MMD2: variants seen among roughly 807,000 people sequenced by gnomAD.
The protein encoded by MMD2 is monocyte to macrophage differentiation factor 2.
In MMD2, 30 loss-of-function variants were observed where a neutral mutation model predicts 33.5. The observed-to-expected ratio is 0.90, with a 90% CI of 0.67 to 1.22. MMD2 has a LOEUF of 1.22. Among genes scored for constraint, MMD2 ranks in the 50% most tolerant of loss-of-function variants. The pLI is 0.00. For missense variants in MMD2, 364 were observed against 325.4 expected (o/e 1.12, Z -0.91); for synonymous variants, 129 against 123.0 (o/e 1.05, Z -0.32).
intron 1 of MMD2, among the ~76,000 whole-genome samples, chr7:4,952,927 T>G (rs1234734105): frequency 6.6e-6 from 1 of 152,144 alleles, no homozygotes; most frequent in African/African-American, 2.4e-5. Flanking sequence ...TCTGCCTGCT[T>G]CGGCCTCCCA....
At chr7:4,930,913 C>T (rs1164154128) in intron 1 of MMD2, among the ~76,000 whole-genome samples, 6 of 151,154 alleles carry the variant, frequency 4.0e-5, no homozygotes, top group African/African-American at 1.2e-4. Flanking sequence ...TGCAGTGGCG[C>T]GATCTCGGCT....
chr7:4,932,013 C>T (rs994668995), intron 1 of MMD2, among the ~76,000 whole-genome samples: 4 of 152,176 alleles, frequency 2.6e-5, no homozygotes, highest in East Asian at 1.9e-4. Context: ...CTATTCTCCC[C>T]GAGGTCTCTC....
At chr7:4,924,309 T>G (rs573272928) in intron 2 of MMD2, among the ~76,000 whole-genome samples, 1 of 152,248 alleles carries the variant, frequency 6.6e-6, no homozygotes, top group Non-Finnish European at 1.5e-5. Flanking sequence ...CGGTGGCCCA[T>G]TGTTAAAGGC....
At chr7:4,933,672 A>T (rs1785656817) in intron 1 of MMD2, among the ~76,000 whole-genome samples, 1 of 151,468 alleles carries the variant, frequency 6.6e-6, no homozygotes, top group African/African-American at 2.4e-5. Context: ...AGGGTCTATC[A>T]CCCTGGCTGG....
intron 1 of MMD2, among the ~76,000 whole-genome samples, chr7:4,932,227 G>A (rs1179593607): frequency 6.6e-6 from 1 of 152,116 alleles, no homozygotes; most frequent in East Asian, 1.9e-4. Context: ...GCCATTGAAT[G>A]CTGGCGGAGA....
At chr7:4,949,177 T>G (rs919028096) in intron 1 of MMD2, among the ~76,000 whole-genome samples, 1 of 152,172 alleles carries the variant, frequency 6.6e-6, no homozygotes, top group African/African-American at 2.4e-5. Context: ...ACAGCTGTAC[T>G]CTAGCCTGGG....
At chr7:4,937,099 A>G (rs1785761948) in intron 1 of MMD2, among the ~76,000 whole-genome samples, 1 of 150,860 alleles carries the variant, frequency 6.6e-6, no homozygotes, top group Non-Finnish European at 1.5e-5. Flanking sequence ...TGGGTAATTT[A>G]TAAAGAAATT....
At position 4,946,255 on chromosome 7, in the gene MMD2, G is replaced by A. The variant is rs1297511880; in HGVS notation, c.47+12716C>T. Among the ~76,000 whole-genome samples the A allele has an allele frequency of 1.3e-5, 2 of 151,734 alleles. No homozygotes were observed. The highest frequency in any genetic ancestry group is 2.9e-5 in the Non-Finnish European group (2 of 67,948). On this transcript the variant is annotated intron_variant, in intron 1 of 6. Transcript: ENST00000401401. This position sits in a 1 kb window ranked among gnomAD's most constrained non-coding sequence, Gnocchi z 5.0. The stretch of plus-strand genomic sequence containing the variant: ...CGCACACACACGCACACCCCACCCC[G>A]TGCACACAATCCCAGGAGCTTCACA...
At chr7:4,907,911 C>T (rs1424392817) in intron 6 of MMD2, among the ~76,000 whole-genome samples, 2 of 152,170 alleles carry the variant, frequency 1.3e-5, no homozygotes, top group Non-Finnish European at 2.9e-5. Flanking sequence ...GGATGATCCT[C>T]CTGCCTCAGC....
downstream of MMD2, among the ~76,000 whole-genome samples, chr7:4,903,909 G>A (rs1204673270): frequency 1.3e-5 from 2 of 152,044 alleles, no homozygotes; most frequent in Non-Finnish European, 2.9e-5. Flanking sequence ...GAGTGTTGCT[G>A]TCTGAATTTC....
At chr7:4,943,012 T>C (rs1425044611) in intron 1 of MMD2, among the ~76,000 whole-genome samples, 40 of 139,402 alleles carry the variant, frequency 2.9e-4, no homozygotes, top group East Asian at 1.9e-3. Context: ...TTCTTTTTTT[T>C]TTTTTTTTTT....
At chr7:4,902,740 C>T (rs796260408), downstream of MMD2, among the ~76,000 whole-genome samples, 9 of 152,314 alleles carry the variant, frequency 5.9e-5, no homozygotes, top group South Asian at 2.1e-4. Context: ...CATCTGGTTA[C>T]GCTGTACATG....
At chr7:4,922,340 C>T (rs1019901738) in intron 2 of MMD2, among the ~76,000 whole-genome samples, 2 of 152,044 alleles carry the variant, frequency 1.3e-5, no homozygotes, top group East Asian at 1.9e-4. Context: ...GAGGCTGAAG[C>T]AGGTAGATCC....
intron 5 of MMD2, among the ~76,000 whole-genome samples, chr7:4,910,580 C>T (rs552278591): frequency 3.3e-5 from 5 of 152,156 alleles, no homozygotes; most frequent in Middle Eastern, 6.8e-3. Flanking sequence ...TGACCACCCC[C>T]GCCTCCCCCC....
intron 2 of MMD2, among the ~76,000 whole-genome samples, chr7:4,924,214 TAAC>T (rs373078646): frequency 4.6e-5 from 7 of 151,492 alleles, no homozygotes; most frequent in Non-Finnish European, 7.4e-5. Flanking sequence ...AACAAAACAA[TAAC>T]AACAACAACA....
chr7:4,957,397 C>G (rs958391332), intron 1 of MMD2, among the ~76,000 whole-genome samples: 5 of 150,984 alleles, frequency 3.3e-5, no homozygotes, highest in Admixed American at 3.3e-4. Flanking sequence ...GCCTGTAATC[C>G]CAGCACTTTG....
intron 1 of MMD2, among the ~76,000 whole-genome samples, chr7:4,958,234 C>T (rs537913935): frequency 1.3e-5 from 2 of 152,292 alleles, no homozygotes; most frequent in South Asian, 4.1e-4. Context: ...TTTTTCATGC[C>T]AGCTTCCAGG....
intron 3 of MMD2, among the ~76,000 whole-genome samples, chr7:4,916,364 C>G (rs922733074): frequency 2.0e-5 from 3 of 149,664 alleles, no homozygotes; most frequent in African/African-American, 4.9e-5. Flanking sequence ...GAACATCCTC[C>G]GTCCCACTTT....
At chr7:4,907,661 C>G in intron 6 of MMD2, 62 bp from the exon 7 acceptor site, 1 of 1,555,786 alleles carries the variant, frequency 6.4e-7, no homozygotes, top group Non-Finnish European at 8.8e-7. Context: ...CTGAAAGCAC[C>G]AGCCAGTCCC....
Sources: gnomAD v4.1 joint callset for allele counts (sites outside exome capture counted in the v4.1 genomes callset) on GRCh38, gnomAD v4.1.1 for gene constraint, Gnocchi (gnomAD v3.1) non-coding constraint, MANE v1.5 for transcripts, NCBI Gene and HGNC (gene_info 2026-07-23, HGNC 2026-07-21) for gene names.